The following STC1 variants were observed in gnomAD, a reference collection of about 807,000 sequenced individuals.
The protein encoded by STC1 is stanniocalcin 1.
Under a neutral mutation model 22.6 loss-of-function variants are expected in STC1, and 7 were observed. That is an observed-to-expected ratio of 0.31 (90% CI 0.18 to 0.58). The LOEUF is 0.58. STC1 is among the 20% of genes least tolerant of loss of function. The probability of loss-of-function intolerance (pLI) is 0.89; values close to 1 mark genes in which losing one functional copy is unlikely to be tolerated. For synonymous variants in STC1, 113 were observed against 120.7 expected (o/e 0.94, Z 0.42); for missense variants, 224 against 311.0 (o/e 0.72, Z 2.10).
At position 23,851,182 on chromosome 8, in the gene STC1, TCCTGCAAAAG is replaced by T; in HGVS notation, c.473+128_473+137del. 6 of 820,404 alleles carry T rather than the reference TCCTGCAAAAG, an allele frequency of 7.3e-6. No individual in the cohort carries two copies. The Admixed American group carries it at 9.4e-5, about 13-fold the overall frequency. The allele number at this position is 820,404 out of a possible 1,614,324, so 50.8% of individuals were successfully genotyped here. ...ACAACCAATCACAAACATATTTTTT[TCCTGCAAAAG>T]CTGGGAAGACTGCAAGCTAAAATAA... On this transcript the variant is annotated intron_variant, in intron 3 of 3. Coordinates refer to ENST00000290271, the MANE Select transcript of STC1 (RefSeq NM_003155.3).
chr8:23,854,592 C>T lies in STC1; in HGVS notation c.-69G>A, dbSNP rs542084487. The T allele has an allele frequency of 6.0e-4, 781 of 1,302,746 alleles. 1 individual carries two copies. The highest frequency in any genetic ancestry group is 8.3e-4 in the Non-Finnish European group (745 of 898,290). The allele number at this position is 1,302,746 out of a possible 1,614,324, so 80.7% of individuals were successfully genotyped here. On this transcript the variant is annotated 5_prime_UTR_variant, in exon 1 of 4. Transcript: ENST00000290271. ...CTGCCCCCCTTTCCTCTTTCCCTCT[C>T]CTGGCTTGAGTGAAGATGTGGATCT... is the stretch of plus-strand genomic sequence containing the variant.
chr8:23,848,529 CAAAAAAAAAAA>C (rs796433655), intron 3 of STC1, among the ~76,000 whole-genome samples: 2 of 63,616 alleles, frequency 3.1e-5, no homozygotes, highest in Non-Finnish European at 6.0e-5. Context: ...GATACTCTGT[CAAAAAAAAAAA>C]AAAAAAAAAA....
intron 3 of STC1, among the ~76,000 whole-genome samples, chr8:23,848,762 A>G (rs1436533414): frequency 1.3e-5 from 2 of 151,792 alleles, no homozygotes; most frequent in African/African-American, 2.4e-5. Flanking sequence ...TGTTTCAGCC[A>G]TGCTTACCCA....
At position 23,854,795 on chromosome 8, in the gene STC1, C is replaced by A; in HGVS notation, c.-272G>T. 1 of 531,578 alleles carries A rather than the reference C, an allele frequency of 1.9e-6. No individual in the cohort carries two copies. The allele number at this position is 531,578 out of a possible 1,614,324, so 32.9% of individuals were successfully genotyped here. A position where few individuals can be genotyped will look rare whatever the true frequency, so the allele number is the denominator to read the frequency against. On this transcript the variant is annotated 5_prime_UTR_variant, in exon 1 of 4. Coordinates refer to ENST00000290271, the MANE Select transcript of STC1 (RefSeq NM_003155.3). ...CAGTCGCTGCTTCTTGCACCTCTGG[C>A]TTTTGCAAACTGGGGGCCCAAGAGC... is the stretch of plus-strand genomic sequence containing the variant.
At chr8:23,850,695 A>G (rs1802627851) in intron 3 of STC1, among the ~76,000 whole-genome samples, 3 of 152,296 alleles carry the variant, frequency 2.0e-5, no homozygotes, top group South Asian at 4.1e-4. Context: ...CACTCATTCT[A>G]GGAAATCTTG....
rs771912664 is a variant in STC1, at chr8:23,844,732, AT to A, written c.*37del. ...CTGGTGTGTCAACACCCCTAAAATG[AT>A]ACTAGTTTGGTGAGGTTGTGAATAA... On this transcript the variant is annotated 3_prime_UTR_variant, in exon 4 of 4. Coordinates refer to ENST00000290271, the MANE Select transcript of STC1 (RefSeq NM_003155.3). The A allele has an allele frequency of 3.1e-6, 5 of 1,603,140 alleles. No individual in the cohort carries two copies. The highest frequency in any genetic ancestry group is 4.3e-6 in the Non-Finnish European group (5 of 1,171,300).
intron 3 of STC1, among the ~76,000 whole-genome samples, chr8:23,850,679 A>T (rs1802627612): frequency 6.6e-6 from 1 of 152,162 alleles, no homozygotes; most frequent in African/African-American, 2.4e-5. Flanking sequence ...GGACAGCCAT[A>T]AAACACACTC....
At chr8:23,845,373 C>T (rs1324168622) in intron 3 of STC1, among the ~76,000 whole-genome samples, 1 of 151,984 alleles carries the variant, frequency 6.6e-6, no homozygotes, top group Non-Finnish European at 1.5e-5. Context: ...CCACAGAGAC[C>T]ATTTGGTGAC....
intron 3 of STC1, among the ~76,000 whole-genome samples, chr8:23,849,768 C>A (rs1165924056): frequency 2.0e-5 from 3 of 151,880 alleles, no homozygotes; most frequent in Non-Finnish European, 2.9e-5. Flanking sequence ...TGTACCTCTC[C>A]CCCCACCCCT....
intron 3 of STC1, among the ~76,000 whole-genome samples, chr8:23,846,923 A>C (rs1802580161): frequency 6.6e-6 from 1 of 152,130 alleles, no homozygotes; most frequent in Non-Finnish European, 1.5e-5. Flanking sequence ...ACCCATATAG[A>C]TCTCCAGGCA....
chr8:23,844,680 A>G lies in STC1; in HGVS notation c.*90T>C, dbSNP rs1336385676. On this transcript the variant is annotated 3_prime_UTR_variant, in exon 4 of 4. Transcript: ENST00000290271. Reference sequence around the variant, plus strand: ...AGAAAATAGGAACTACTTTAAAAAAATCAAACCAGGCACAGTACACTCAAA... The same window carrying G: ...AGAAAATAGGAACTACTTTAAAAAAGTCAAACCAGGCACAGTACACTCAAA... 10 of 1,477,046 alleles carry G rather than the reference A, an allele frequency of 6.8e-6. No individual in the cohort carries two copies. The East Asian group carries it at 2.3e-4, about 34-fold the overall frequency. The allele number at this position is 1,477,046 out of a possible 1,614,324, so 91.5% of individuals were successfully genotyped here.
At chr8:23,852,412 G>A in intron 1 of STC1, 28 bp from the exon 2 acceptor site, 1 of 1,563,112 alleles carries the variant, frequency 6.4e-7, no homozygotes, top group Non-Finnish European at 8.6e-7. Context: ...ATCCATTCTG[G>A]GTCAAACAGT....
In STC1 at chr8:23,843,330, A is replaced by G. The variant is rs1349546460; in HGVS notation, c.*1440T>C. ...TTTTTTTCTTTTTTTCTATTTTTTT[A>G]CGATCCTACAGAGATGGTCCAGCTG... On this transcript the variant is annotated 3_prime_UTR_variant, in exon 4 of 4. Coordinates refer to ENST00000290271, the MANE Select transcript of STC1 (RefSeq NM_003155.3). The G allele has an allele frequency of 6.9e-6, 1 of 145,478 alleles. No homozygotes were observed. Among genetic ancestry groups the G allele is most frequent in the East Asian group, 2.0e-4 (1 of 4,986 alleles). 9.0% of individuals were successfully genotyped at this position (145,478 alleles called of 1,614,324 possible). A position where few individuals can be genotyped will look rare whatever the true frequency, so the allele number is the denominator to read the frequency against.
At position 23,851,421 on chromosome 8, in the gene STC1, C is replaced by T. The variant is rs1358385422; in HGVS notation, c.372G>A (p.Val124=). 7 of 1,614,146 alleles carry T rather than the reference C, an allele frequency of 4.3e-6. No homozygotes were observed. The highest frequency in any genetic ancestry group is 2.2e-5 in the South Asian group (2 of 91,086). ...TCAGCTTGCTGTAGCACTCTTCCTG[C>T]ACCTCAGCAATCATCCTTTGGAAAG... ...CSTFQRMIAE[V]QEECYSKLNV... Residue 124 remains valine, a synonymous_variant, in exon 3 of 4, where the codon GTG becomes GTA. Coordinates refer to ENST00000290271, the MANE Select transcript of STC1 (RefSeq NM_003155.3).
At chr8:23,848,529 C>CAAAA (rs796433655) in intron 3 of STC1, among the ~76,000 whole-genome samples, 139 of 63,500 alleles carry the variant, frequency 2.2e-3, no homozygotes, top group Non-Finnish European at 3.0e-3. Flanking sequence ...GATACTCTGT[C>CAAAA]AAAAAAAAAA....
intron 3 of STC1, among the ~76,000 whole-genome samples, chr8:23,849,958 T>G (rs554248740): frequency 1.4e-5 from 2 of 143,276 alleles, no homozygotes; most frequent in South Asian, 5.1e-4. Context: ...CCAAGAGTTA[T>G]ATAGAGACAG....
chr8:23,850,458 G>T (rs1398143973), intron 3 of STC1, among the ~76,000 whole-genome samples: 1 of 152,166 alleles, frequency 6.6e-6, no homozygotes, highest in Non-Finnish European at 1.5e-5. Context: ...CACTGCCCCT[G>T]CCAGACCTCC....
At position 23,841,994 on chromosome 8, in the gene STC1, T is replaced by G. The variant is rs1272604553; in HGVS notation, c.*2776A>C. ...ATTCACCAAAGGCTTCATATTATGC[T>G]ATGGCATCTTTAATTATAAAAATAA... On this transcript the variant is annotated 3_prime_UTR_variant, in exon 4 of 4. Coordinates refer to ENST00000290271, the MANE Select transcript of STC1 (RefSeq NM_003155.3). 2.0e-5 allele frequency: 3 copies of G among 152,618 alleles called. No individual in the cohort carries two copies. Among genetic ancestry groups the G allele is most frequent in the Non-Finnish European group, 4.4e-5 (3 of 68,036 alleles). The allele number at this position is 152,618 out of a possible 1,614,324, so 9.5% of individuals were successfully genotyped here.
At chr8:23,851,614 G>A (rs775655560) in intron 2 of STC1, 83 bp from the exon 3 acceptor site, 2 of 1,199,898 alleles carry the variant, frequency 1.7e-6, no homozygotes, top group Non-Finnish European at 2.4e-6. Flanking sequence ...AATTTAAGGG[G>A]GCTCATCTGG....
Sources: gnomAD v4.1 joint callset for allele counts (sites outside exome capture counted in the v4.1 genomes callset) on GRCh38, gnomAD v4.1.1 for gene constraint, MANE v1.5 for transcripts, NCBI Gene and HGNC (gene_info 2026-07-23, HGNC 2026-07-21) for gene names.